SRP68: variants seen among roughly 807,000 people sequenced by gnomAD.
The protein encoded by SRP68 is signal recognition particle 68, also known as signal recognition particle subunit SRP68.
Under a neutral mutation model 82.2 loss-of-function variants are expected in SRP68, and 15 were observed. The ratio of observed to expected loss-of-function variants is 0.18; its 90% CI spans 0.12 to 0.28. The LOEUF (loss-of-function observed/expected upper bound fraction) is 0.28. SRP68 is among the 10% of genes least tolerant of loss of function. The pLI, the probability that SRP68 is intolerant of heterozygous loss-of-function variation, is 1.00. For synonymous variants in SRP68, 261 were observed against 292.6 expected, an observed-to-expected ratio of 0.89 and a Z score of 1.10; for missense variants, 595 against 780.5, an observed-to-expected ratio of 0.76 and a Z score of 2.83.
chr17:76,039,241 C>A lies in SRP68; in HGVS notation c.*465G>T, dbSNP rs1444284793. Reference sequence around the variant, plus strand: ...GGAGGTGAAGGGGAATAAGGCTGACCGTAATTCTGGGGTGACGTTGCCAGT... The same window carrying A: ...GGAGGTGAAGGGGAATAAGGCTGACAGTAATTCTGGGGTGACGTTGCCAGT... On this transcript the variant is annotated 3_prime_UTR_variant, in exon 16 of 16. Coordinates refer to ENST00000307877, the MANE Select transcript of SRP68 (RefSeq NM_014230.4). 1.6e-5 allele frequency: 7 copies of A among 433,874 alleles called. No individual in the cohort carries two copies. The highest frequency in any genetic ancestry group is 3.3e-4 in the Middle Eastern group (1 of 2,986). 26.9% of individuals were successfully genotyped at this position (433,874 alleles called of 1,614,324 possible).
In SRP68 at chr17:76,072,135, A is replaced by C; in HGVS notation, c.184+173T>G. 4 of 1,224,666 alleles carry C rather than the reference A, an allele frequency of 3.3e-6. No individual in the cohort carries two copies. Among genetic ancestry groups the C allele is most frequent in the South Asian group, 1.4e-5 (1 of 70,360 alleles). 75.9% of individuals were successfully genotyped at this position (1,224,666 alleles called of 1,614,324 possible). A position where few individuals can be genotyped will look rare whatever the true frequency, so the allele number is the denominator to read the frequency against. On this transcript the variant is annotated intron_variant, in intron 1 of 15. Coordinates refer to ENST00000307877, the MANE Select transcript of SRP68 (RefSeq NM_014230.4). This position sits in a 1 kb window ranked among gnomAD's most constrained non-coding sequence, Gnocchi z 4.5. ...GGCGAGGGGGACACGAGGAAAGACT[A>C]GTCGAGAGACAGACCCCCCCCGGAA...
In SRP68 at chr17:76,046,475, A is replaced by AC. The variant is rs577783639; in HGVS notation, c.1143-282_1143-281insG. On this transcript the variant is annotated intron_variant, in intron 10 of 15. Coordinates refer to ENST00000307877, the MANE Select transcript of SRP68 (RefSeq NM_014230.4). ...AAGAACCACACAGTGGAAAAAAAAA[A>AC]AAAAAAAAACAAAAAACAGAGAGTG... Among the ~76,000 whole-genome samples, 376 of 113,380 alleles carry AC rather than the reference A, an allele frequency of 3.3e-3. 4 individuals are homozygous for AC. Among genetic ancestry groups the AC allele is most frequent in the African/African-American group, 0.016 (310 of 19,330 alleles). 74.4% of individuals were successfully genotyped at this position (113,380 alleles called of 152,430 possible).
Position 76,045,225 on chromosome 17 carries a change from G to A in SRP68, c.1394+67C>T. The A allele has an allele frequency of 8.8e-6, 11 of 1,252,696 alleles. No individual in the cohort carries two copies. The South Asian group carries it at 1.4e-4, about 15-fold the overall frequency. 77.6% of individuals were successfully genotyped at this position (1,252,696 alleles called of 1,614,324 possible). ...CAACGGTCCCATCTGCTGTGGGCTG[G>A]GTCATGCTCCCAATGCTTATAGAAC... is the stretch of plus-strand genomic sequence containing the variant. On this transcript the variant is annotated intron_variant, in intron 12 of 15. Coordinates refer to ENST00000307877, the MANE Select transcript of SRP68 (RefSeq NM_014230.4).
At chr17:76,048,631 C>T (rs2066649065) in intron 9 of SRP68, 2 of 152,166 alleles carry the variant, frequency 1.3e-5, no homozygotes, top group South Asian at 4.1e-4. Flanking sequence ...CGCTAGAAGC[C>T]AGGAGATGCA....
At chr17:76,040,850 G>A in intron 14 of SRP68, 53 bp downstream of exon 14, 1 of 1,511,196 alleles carries the variant, frequency 6.6e-7, no homozygotes, top group Non-Finnish European at 9.2e-7. Context: ...GACAGAGAAG[G>A]GGAGTGGCAG....
At chr17:76,050,224 C>G (rs1344778668) in intron 9 of SRP68, among the ~76,000 whole-genome samples, 1 of 152,284 alleles carries the variant, frequency 6.6e-6, no homozygotes, top group East Asian at 1.9e-4. Flanking sequence ...TTAGGAGGAA[C>G]AGGGGAGGGA....
At chr17:76,062,740 TA>T (rs2066774018) in intron 4 of SRP68, among the ~76,000 whole-genome samples, 1 of 21,906 alleles carries the variant, frequency 4.6e-5, no homozygotes, top group African/African-American at 3.2e-4. Context: ...TATATATATA[TA>T]TATATATATA....
rs970928764 is a variant in SRP68 at position 76,071,543 on chromosome 17, A to G, written c.184+765T>C. Among the ~76,000 whole-genome samples the G allele has an allele frequency of 7.2e-5, 11 of 152,210 alleles. No homozygotes were observed. The highest frequency in any genetic ancestry group is 2.7e-4 in the African/African-American group (11 of 41,458). On this transcript the variant is annotated intron_variant, in intron 1 of 15. Coordinates refer to ENST00000307877, the MANE Select transcript of SRP68 (RefSeq NM_014230.4). This position sits in a 1 kb window ranked among gnomAD's most constrained non-coding sequence, Gnocchi z 4.7. ...GGCTCGCTAGCGTCTACTTGGAACT[A>G]TTACCAGTAATTCAAAATATTTAAC...
intron 7 of SRP68, among the ~76,000 whole-genome samples, chr17:76,058,054 C>G (rs1235780000): frequency 6.6e-6 from 1 of 152,052 alleles, no homozygotes; most frequent in African/African-American, 2.4e-5. Context: ...CTTACTGCAA[C>G]CTCCAACTCC....
At chr17:76,061,616 C>G (rs766445062) in intron 4 of SRP68, 42 bp from the exon 5 acceptor site, 1 of 1,502,892 alleles carries the variant, frequency 6.7e-7, no homozygotes, top group South Asian at 1.1e-5. Context: ...CAACAGCAAA[C>G]CAGTGCTCCC....
chr17:76,057,675 C>G, intron 7 of SRP68, 132 bp from the exon 8 acceptor site: 1 of 1,010,832 alleles, frequency 9.9e-7, no homozygotes, highest in Non-Finnish European at 1.4e-6. Context: ...GAGTATACAC[C>G]AATTTCTTTC....
intron 10 of SRP68, among the ~76,000 whole-genome samples, chr17:76,046,682 C>T (rs1185483196): frequency 6.6e-6 from 1 of 152,062 alleles, no homozygotes; most frequent in African/African-American, 2.4e-5. Context: ...TGGCTCCCAT[C>T]TGTAATCCCA....
intron 7 of SRP68, among the ~76,000 whole-genome samples, chr17:76,058,468 C>T (rs553416796): frequency 2.0e-5 from 3 of 151,662 alleles, no homozygotes; most frequent in Non-Finnish European, 4.4e-5. Context: ...TGTGTTGCCC[C>T]GGCTGGTCTT....
At chr17:76,041,892 CTT>C in intron 13 of SRP68, among the ~76,000 whole-genome samples, 1 of 149,724 alleles carries the variant, frequency 6.7e-6, no homozygotes, top group South Asian at 2.1e-4. Context: ...CCTTTGCTTG[CTT>C]TTTTTTTTCT....
chr17:76,054,594 G>C (rs1243462492), intron 8 of SRP68, among the ~76,000 whole-genome samples: 1 of 152,208 alleles, frequency 6.6e-6, no homozygotes, highest in Non-Finnish European at 1.5e-5. Context: ...GCTCACGCCT[G>C]TAATCCCAGC....
chr17:76,050,209 A>C (rs1008800625), intron 9 of SRP68, among the ~76,000 whole-genome samples: 6 of 152,316 alleles, frequency 3.9e-5, no homozygotes, highest in Non-Finnish European at 7.3e-5. Context: ...CCATATAGGA[A>C]ACCATTAGGA....
rs1307934481 is a variant in SRP68 at position 76,050,517 on chromosome 17, C to T, written c.988G>A (p.Glu330Lys). The change falls in exon 9 of 16, where the codon GAA becomes AAA. Residue 330 changes from glutamate to lysine, a missense_variant. Glu to Lys is a moderately conservative substitution (Grantham distance 56, BLOSUM62 1). Coordinates refer to ENST00000307877, the MANE Select transcript of SRP68 (RefSeq NM_014230.4). ...NEAAIVQAESEETKERLFESM... is the reference protein window; with the variant it reads ...NEAAIVQAESKETKERLFESM... The stretch of plus-strand genomic sequence containing the variant: ...TCAAACAGGCGCTCCTTAGTTTCTT[C>T]GCTTTCAGCCTAAACAAGGGCAGAT... The T allele has an allele frequency of 2.5e-6, 4 of 1,612,988 alleles. No individual in the cohort carries two copies. Among genetic ancestry groups the T allele is most frequent in the South Asian group, 2.2e-5 (2 of 91,050 alleles).
At position 76,072,033 on chromosome 17, in the gene SRP68, A is replaced by G. The variant is rs918081270; in HGVS notation, c.184+275T>C. On this transcript the variant is annotated intron_variant, in intron 1 of 15. Transcript: ENST00000307877. This position sits in a 1 kb window ranked among gnomAD's most constrained non-coding sequence, Gnocchi z 4.5. ...GTGTCACTTGGTCACAAGCCCTCCA[A>G]CTGGACAACTGCGGGGCACCAGGGG... 1 of 570,244 alleles carries G rather than the reference A, an allele frequency of 1.8e-6. No homozygotes were observed. Among genetic ancestry groups the G allele is most frequent in the Admixed American group, 3.7e-5 (1 of 27,210 alleles). 35.3% of individuals were successfully genotyped at this position (570,244 alleles called of 1,614,324 possible). A position where few individuals can be genotyped will look rare whatever the true frequency, so the allele number is the denominator to read the frequency against.
intron 6 of SRP68, chr17:76,060,605 C>G: frequency 2.0e-6 from 1 of 497,324 alleles, no homozygotes; most frequent in Non-Finnish European, 3.6e-6. Flanking sequence ...AAATACACAT[C>G]ATGAAACATT....
Sources: gnomAD v4.1 joint callset for allele counts (sites outside exome capture counted in the v4.1 genomes callset) on GRCh38, gnomAD v4.1.1 for gene constraint, Gnocchi (gnomAD v3.1) non-coding constraint, MANE v1.5 for transcripts, NCBI Gene and HGNC (gene_info 2026-07-23, HGNC 2026-07-21) for gene names.